The following PRKG1 variants were observed in gnomAD, a reference collection of about 807,000 sequenced individuals.
PRKG1 encodes the protein protein kinase cGMP-dependent 1, also known as cGMP-dependent protein kinase 1.
In PRKG1, 35 loss-of-function variants were observed where a neutral mutation model predicts 88.1. That is an observed-to-expected ratio of 0.40 (90% CI 0.30 to 0.53). PRKG1 has a LOEUF of 0.53. Among genes scored for constraint, PRKG1 ranks in the 20% least tolerant of loss-of-function variants. PRKG1 has a pLI of 0.59. For missense variants in PRKG1, 540 were observed against 839.8 expected (o/e 0.64, Z 4.41); for synonymous variants, 303 against 292.5 (o/e 1.04, Z -0.37).
At chr10:51,518,741 G>C (rs763500699) in intron 3 of PRKG1, among the ~76,000 whole-genome samples, 2 of 152,126 alleles carry the variant, frequency 1.3e-5, no homozygotes, top group Non-Finnish European at 2.9e-5. Flanking sequence ...AAATTTAGCT[G>C]TCAGTATCGC....
intron 9 of PRKG1, among the ~76,000 whole-genome samples, chr10:52,163,927 C>G (rs554777503): frequency 9.9e-5 from 15 of 152,262 alleles, no homozygotes; most frequent in African/African-American, 3.4e-4. Context: ...GCTCCTGGCT[C>G]TGTCATTACC....
chr10:51,979,753 T>G (rs111613723), intron 5 of PRKG1, among the ~76,000 whole-genome samples: 10 of 151,884 alleles, frequency 6.6e-5, no homozygotes, highest in Non-Finnish European at 1.5e-4. Flanking sequence ...ATTTTCCCAT[T>G]TCTTCTAGAT....
intron 3 of PRKG1, among the ~76,000 whole-genome samples, chr10:51,468,710 AT>A (rs1449307408): frequency 6.6e-6 from 1 of 151,822 alleles, no homozygotes; most frequent in African/African-American, 2.4e-5. Context: ...AGGTTTTGTC[AT>A]TTAAAAAAAA....
chr10:51,508,724 C>A (rs774871090), intron 3 of PRKG1, among the ~76,000 whole-genome samples: 2 of 152,120 alleles, frequency 1.3e-5, no homozygotes, highest in Non-Finnish European at 2.9e-5. Flanking sequence ...CCTTCCAATT[C>A]TGTTCTGTTA....
At chr10:51,420,651 A>T (rs985196467) in intron 2 of PRKG1, among the ~76,000 whole-genome samples, 1 of 152,212 alleles carries the variant, frequency 6.6e-6, no homozygotes. Flanking sequence ...CACTAAAAAC[A>T]TGGGAAGATC....
intron 5 of PRKG1, among the ~76,000 whole-genome samples, chr10:51,970,047 C>T (rs1441310366): frequency 1.1e-5 from 1 of 92,510 alleles, no homozygotes; most frequent in Non-Finnish European, 2.3e-5. Flanking sequence ...CACACACACA[C>T]ACACCCATAT....
intron 1 of PRKG1, among the ~76,000 whole-genome samples, chr10:51,028,104 A>T (rs1208560723): frequency 6.6e-6 from 1 of 152,174 alleles, no homozygotes; most frequent in Non-Finnish European, 1.5e-5. Flanking sequence ...CAAAACCACT[A>T]AGAGGAAACT....
intron 3 of PRKG1, among the ~76,000 whole-genome samples, chr10:51,686,002 A>G (rs10998900): frequency 0.16 from 24,962 of 152,020 alleles, 2,533 homozygotes; most frequent in Non-Finnish European, 0.23. Context: ...TGAGTCACTG[A>G]CCAGCCCATC....
chr10:51,175,785 C>T (rs9415772), intron 2 of PRKG1, among the ~76,000 whole-genome samples: 10,005 of 152,028 alleles, frequency 0.066, 690 homozygotes, highest in African/African-American at 0.17. Flanking sequence ...CTTAGACCTA[C>T]GGAATGAGAA....
chr10:51,933,805 G>T (rs4935293), intron 5 of PRKG1, among the ~76,000 whole-genome samples: 85,038 of 151,576 alleles, frequency 0.56, 25,116 homozygotes, highest in African/African-American at 0.74. Context: ...TTAATAATAA[G>T]AAGAAGAAGA....
chr10:51,271,149 C>T (rs1839968677), intron 2 of PRKG1, among the ~76,000 whole-genome samples: 1 of 152,088 alleles, frequency 6.6e-6, no homozygotes, highest in African/African-American at 2.4e-5. Flanking sequence ...AATGTCTACA[C>T]TTGTAATAAA....
intron 8 of PRKG1, among the ~76,000 whole-genome samples, chr10:52,134,118 T>C (rs1837340695): frequency 6.6e-6 from 1 of 152,172 alleles, no homozygotes; most frequent in Non-Finnish European, 1.5e-5. Flanking sequence ...ACTTAACCAC[T>C]GTGAGCTTCG....
At chr10:52,056,433 G>A (rs1054796333) in intron 6 of PRKG1, among the ~76,000 whole-genome samples, 1 of 152,166 alleles carries the variant, frequency 6.6e-6, no homozygotes, top group Non-Finnish European at 1.5e-5. Context: ...CCCTGTTAGT[G>A]CAAATTTTAC....
In PRKG1 at chr10:51,851,917, C is replaced by T. The variant is rs567980793; in HGVS notation, c.698+47227C>T. Among the ~76,000 whole-genome samples, 4 of 152,078 alleles carry T rather than the reference C, an allele frequency of 2.6e-5. No individual in the cohort carries two copies. In the South Asian group the frequency reaches 8.3e-4, roughly 32 times the overall value. Reference sequence around the variant, plus strand: ...ATTCTGCAGGCTTTTGTGGCCTTAGCAGTAAAGACTGCCATGATAAATTAG... The same window carrying T: ...ATTCTGCAGGCTTTTGTGGCCTTAGTAGTAAAGACTGCCATGATAAATTAG... On this transcript the variant is annotated intron_variant, in intron 4 of 17. Coordinates refer to ENST00000373980, the MANE Select transcript of PRKG1 (RefSeq NM_006258.4).
intron 7 of PRKG1, among the ~76,000 whole-genome samples, chr10:52,105,338 G>A (rs568672989): frequency 6.6e-6 from 1 of 152,198 alleles, no homozygotes; most frequent in South Asian, 2.1e-4. Flanking sequence ...TTTACAGTTG[G>A]TTCTTTGTAA....
chr10:51,308,708 G>C (rs1841102051), intron 2 of PRKG1, among the ~76,000 whole-genome samples: 1 of 152,118 alleles, frequency 6.6e-6, no homozygotes, highest in East Asian at 1.9e-4. Context: ...AGAGGTGCTA[G>C]AAAAATAATA....
intron 3 of PRKG1, among the ~76,000 whole-genome samples, chr10:51,755,871 T>A (rs867927845): frequency 1.3e-5 from 2 of 152,156 alleles, no homozygotes; most frequent in Non-Finnish European, 2.9e-5. Context: ...GCTAACCATC[T>A]CCATGAATAC....
intron 8 of PRKG1, among the ~76,000 whole-genome samples, chr10:52,137,483 C>T (rs1589639701): frequency 6.6e-6 from 1 of 152,012 alleles, no homozygotes; most frequent in Admixed American, 6.6e-5. Context: ...AAATATAAAA[C>T]TAAGTACAGT....
intron 5 of PRKG1, among the ~76,000 whole-genome samples, chr10:51,911,760 T>G (rs1842222384): frequency 6.6e-6 from 1 of 152,206 alleles, no homozygotes; most frequent in Non-Finnish European, 1.5e-5. Flanking sequence ...AAAGCAATAC[T>G]GAAGTCACAT....
Sources: allele counts gnomAD v4.1 joint callset (sites outside exome capture counted in the v4.1 genomes callset), GRCh38; gene constraint gnomAD v4.1.1; transcripts MANE v1.5; gene names NCBI Gene and HGNC (gene_info 2026-07-23, HGNC 2026-07-21).